The following IFT20 variants were observed in gnomAD, a reference collection of about 807,000 sequenced individuals.
IFT20 encodes the protein intraflagellar transport protein 20 homolog.
IFT20 carries 4 observed loss-of-function variants against 16.9 expected under a neutral mutation model. That is an observed-to-expected ratio of 0.24 (90% confidence interval 0.12 to 0.54). The LOEUF is 0.54. IFT20 is among the 20% of genes least tolerant of loss of function. IFT20 has a pLI of 0.95. For missense variants in IFT20, 154 were observed against 149.7 expected, an observed-to-expected ratio of 1.03 and a Z score of -0.15; for synonymous variants, 48 against 49.9, an observed-to-expected ratio of 0.96 and a Z score of 0.16.
Position 28,329,163 on chromosome 17 carries a change from G to T in IFT20, c.317+10C>A. 1 of 1,596,492 alleles carries T rather than the reference G, an allele frequency of 6.3e-7. No individual in the cohort carries two copies. The highest frequency in any genetic ancestry group is 8.6e-7 in the Non-Finnish European group (1 of 1,164,460). ...GTGTAAAGAACTTGCTTTACATCAT[G>T]ACTTCTTACCTTTCTAGCTGCATTT... On this transcript the variant is annotated intron_variant, in intron 4 of 4. Coordinates refer to ENST00000395418, the MANE Select transcript of IFT20 (RefSeq NM_001267776.2).
chr17:28,333,601 AT>A (rs1480561915), intron 1 of IFT20, among the ~76,000 whole-genome samples: 5 of 152,220 alleles, frequency 3.3e-5, no homozygotes, highest in Non-Finnish European at 5.9e-5. Context: ...CTTTTGAAGC[AT>A]TTTGTTCATC....
chr17:28,329,230 T>G lies in IFT20; in HGVS notation c.260A>C (p.Glu87Ala), dbSNP rs1247747435. 1.5e-5 allele frequency: 24 copies of G among 1,614,202 alleles called. No homozygotes were observed. Among genetic ancestry groups the G allele is most frequent in the Non-Finnish European group, 1.8e-5 (21 of 1,180,038 alleles). ...NLLKSIAKQR[E>A]AQQQQLQALI... ...GGCTTGAAGTTGCTGCTGTTGAGCTTCTCTCTGCTTTGCTATAGATTTGAG... is the reference window on the plus strand; with the variant it reads ...GGCTTGAAGTTGCTGCTGTTGAGCTGCTCTCTGCTTTGCTATAGATTTGAG... Residue 87 changes from glutamate (E) to alanine (A), a missense_variant, in exon 4 of 5, where the codon GAA becomes GCA. Physicochemically the swap from Glu to Ala is moderately radical, Grantham distance 107 (BLOSUM62 -1). Coordinates refer to ENST00000395418, the MANE Select transcript of IFT20 (RefSeq NM_001267776.2).
chr17:28,330,059 C>CAA (rs782275350), intron 3 of IFT20: 970 of 401,722 alleles, frequency 2.4e-3, no homozygotes, highest in South Asian at 4.3e-3. Flanking sequence ...AACTCCGTCT[C>CAA]AAAAAAAAAA....
intron 4 of IFT20, 119 bp downstream of exon 4, chr17:28,329,054 A>G (rs782306555): frequency 2.8e-6 from 2 of 721,470 alleles, no homozygotes; most frequent in South Asian, 3.6e-5. Flanking sequence ...CAGGATGACA[A>G]GTGAGATGCT....
intron 1 of IFT20, chr17:28,332,443 C>A: frequency 2.3e-6 from 1 of 442,596 alleles, no homozygotes; most frequent in Admixed American, 3.7e-5. Flanking sequence ...TGTTTAGAAA[C>A]ATCAGTAAAG....
In IFT20 at chr17:28,335,430, C is replaced by CCTGCCACGGCCG. The variant is rs1907091577; in HGVS notation, c.-105_-94dup. On this transcript the variant is annotated 5_prime_UTR_variant, in exon 1 of 5. Coordinates refer to ENST00000395418, the MANE Select transcript of IFT20 (RefSeq NM_001267776.2). Reference sequence around the variant, plus strand: ...TCAGCGACAGCCGGTACCCAGCCAGCCTGCCACGGCCGCTGCCACGGATAC... The same window carrying CCTGCCACGGCCG: ...TCAGCGACAGCCGGTACCCAGCCAGCCTGCCACGGCCGCTGCCACGGCCGCTGCCACGGATAC... 6.6e-6 allele frequency: 1 copy of CCTGCCACGGCCG among 152,362 alleles called. No homozygotes were observed. The highest frequency in any genetic ancestry group is 2.1e-4 in the South Asian group (1 of 4,836). 9.4% of individuals were successfully genotyped at this position (152,362 alleles called of 1,614,324 possible).
intron 2 of IFT20, chr17:28,331,652 C>T (rs1474028722): frequency 1.8e-6 from 1 of 562,124 alleles, no homozygotes; most frequent in East Asian, 2.9e-5. Context: ...CCTCCCCATC[C>T]CGGTGTTTGG....
Position 28,331,965 on chromosome 17 carries a change from A to T in IFT20, c.21T>A (p.Gly7=). Residue 7 remains glycine (G), a synonymous_variant, in exon 2 of 5, where the codon GGT becomes GGA. Transcript: ENST00000395418. ...GTTCATCAAAGTGTAGCCCTGCTTC[A>T]CCCAGGATGTCCTTGGCCATGGCTG... MAKDIL[G]EAGLHFDELN... 3 of 1,614,192 alleles carry T rather than the reference A, an allele frequency of 1.9e-6. No homozygotes were observed. Among genetic ancestry groups the T allele is most frequent in the Non-Finnish European group, 2.5e-6 (3 of 1,180,034 alleles).
At chr17:28,329,326 A>G (rs1200322100) in intron 3 of IFT20, 50 bp from the exon 4 acceptor site, 1 of 1,437,736 alleles carries the variant, frequency 7.0e-7, no homozygotes, top group African/African-American at 1.4e-5. Context: ...CATCTACAGC[A>G]TCAAGTCCTC....
chr17:28,329,540 C>T, intron 3 of IFT20: 1 of 402,650 alleles, frequency 2.5e-6, no homozygotes. Flanking sequence ...TGGTGCCATT[C>T]AGCCTTGTGC....
intron 1 of IFT20, chr17:28,332,409 A>C: frequency 3.9e-6 from 2 of 519,460 alleles, no homozygotes; most frequent in East Asian, 7.0e-5. Context: ...ACGGAAACTG[A>C]AAAACCACAC....
chr17:28,331,548 C>T (rs1906779687), intron 2 of IFT20: 1 of 313,954 alleles, frequency 3.2e-6, no homozygotes, highest in Non-Finnish European at 6.0e-6. Flanking sequence ...GTACATAATT[C>T]TATTTCCCAC....
chr17:28,332,805 G>C (rs1333208920), intron 1 of IFT20: 1 of 152,776 alleles, frequency 6.5e-6, no homozygotes, highest in Non-Finnish European at 1.5e-5. Flanking sequence ...TCCAAGCAGA[G>C]AAAACAGCAT....
At chr17:28,331,288 C>T (rs9897169) in intron 2 of IFT20, 6 of 154,718 alleles carry the variant, frequency 3.9e-5, no homozygotes, top group African/African-American at 1.4e-4. Context: ...TTTCACTAAC[C>T]AAGCTCTCTC....
At chr17:28,332,414 C>T (rs1906851349) in intron 1 of IFT20, 1 of 508,372 alleles carries the variant, frequency 2.0e-6, no homozygotes, top group African/African-American at 1.9e-5. Context: ...AACTGAAAAA[C>T]CACACTGCGT....
chr17:28,334,866 A>G (rs531987452), intron 1 of IFT20, among the ~76,000 whole-genome samples: 49 of 152,334 alleles, frequency 3.2e-4, no homozygotes, highest in African/African-American at 1.1e-3. Context: ...CATGACTCCC[A>G]TGAATCTGGC....
At chr17:28,333,115 A>ACAAT (rs1906909049) in intron 1 of IFT20, among the ~76,000 whole-genome samples, 1 of 151,632 alleles carries the variant, frequency 6.6e-6, no homozygotes, top group African/African-American at 2.4e-5. Flanking sequence ...ACAATTAAAC[A>ACAAT]TAGACATCTT....
In IFT20 at chr17:28,328,673, G is replaced by A; in HGVS notation, c.378C>T (p.Asp126=). ...KVEAEQNEFI[D]QFIFQK ...CAGTTCATTTCTGAAAAATAAATTG[G>A]TCAATAAATTCATTTTGTTCTGCTT... Residue 126 remains aspartate, a synonymous_variant, in exon 5 of 5, where the codon GAC becomes GAT. Coordinates refer to ENST00000395418, the MANE Select transcript of IFT20 (RefSeq NM_001267776.2). The A allele has an allele frequency of 1.2e-6, 2 of 1,603,620 alleles. No individual in the cohort carries two copies. The highest frequency in any genetic ancestry group is 1.7e-6 in the Non-Finnish European group (2 of 1,175,492).
chr17:28,334,848 A>G (rs1555577101), intron 1 of IFT20, among the ~76,000 whole-genome samples: 2 of 152,212 alleles, frequency 1.3e-5, no homozygotes, highest in African/African-American at 4.8e-5. Context: ...AGAGAAAAAC[A>G]AGTCAGGCAT....
Sources: allele counts gnomAD v4.1 joint callset (sites outside exome capture counted in the v4.1 genomes callset), GRCh38; gene constraint gnomAD v4.1.1; transcripts MANE v1.5; gene names NCBI Gene and HGNC (gene_info 2026-07-23, HGNC 2026-07-21).